The following GRIA1 variants were observed in gnomAD, a reference collection of about 807,000 sequenced individuals.
The protein encoded by GRIA1 is glutamate ionotropic receptor AMPA type subunit 1.
A neutral mutation model predicts 99.2 loss-of-function variants in GRIA1; 31 were observed. The observed-to-expected ratio is 0.31, with a 90% CI of 0.23 to 0.42. GRIA1 has a LOEUF of 0.42. Among genes scored for constraint, GRIA1 ranks in the 10% least tolerant of loss-of-function variants. GRIA1 has a pLI of 1.00. For synonymous variants in GRIA1, 438 were observed against 432.4 expected (o/e 1.01, Z -0.16); for missense variants, 782 against 1,157.5 (o/e 0.68, Z 4.71).
intron 8 of GRIA1, among the ~76,000 whole-genome samples, chr5:153,697,577 A>T (rs540503277): frequency 6.6e-6 from 1 of 152,350 alleles, no homozygotes; most frequent in South Asian, 2.1e-4. Flanking sequence ...TTAAATCTAG[A>T]TGGAAAAATA....
intron 1 of GRIA1, chr5:153,492,308 T>A (rs1561581220): frequency 6.5e-7 from 1 of 1,533,944 alleles, no homozygotes; most frequent in Admixed American, 2.0e-5. Flanking sequence ...CATCCTGAAG[T>A]GTGTACGTAT....
At chr5:153,566,932 G>C (rs905377417) in intron 2 of GRIA1, among the ~76,000 whole-genome samples, 1 of 151,846 alleles carries the variant, frequency 6.6e-6, no homozygotes, top group African/African-American at 2.4e-5. Flanking sequence ...GGCCAGGCTG[G>C]TCTCAAACTC....
At chr5:153,692,710 C>G (rs1169814964) in intron 8 of GRIA1, among the ~76,000 whole-genome samples, 1 of 152,172 alleles carries the variant, frequency 6.6e-6, no homozygotes, top group Non-Finnish European at 1.5e-5. Flanking sequence ...AAAACGCCAA[C>G]TCTTTAAAAG....
chr5:153,561,162 C>T (rs1761091269), intron 2 of GRIA1, among the ~76,000 whole-genome samples: 1 of 152,052 alleles, frequency 6.6e-6, no homozygotes, highest in South Asian at 2.1e-4. Flanking sequence ...AGATCCTGGC[C>T]CTGGAGCAGC....
intron 2 of GRIA1, among the ~76,000 whole-genome samples, chr5:153,515,182 C>A (rs575618881): frequency 1.4e-4 from 22 of 152,208 alleles, no homozygotes; most frequent in Middle Eastern, 3.4e-3. Flanking sequence ...CTCTCATGTT[C>A]ATTGCAGCAT....
chr5:153,491,051 C>T, intron 1 of GRIA1, 81 bp downstream of exon 1: 1 of 1,293,622 alleles, frequency 7.7e-7, no homozygotes. Flanking sequence ...TGTACCCCCT[C>T]CCCGGTACTG....
chr5:153,800,890 T>TC lies in GRIA1; in HGVS notation c.2386-1462dup, dbSNP rs1034633159. Among the ~76,000 whole-genome samples, 28 of 152,022 alleles carry TC rather than the reference T, an allele frequency of 1.8e-4. 1 individual carries two copies. Among genetic ancestry groups the TC allele is most frequent in the Admixed American group, 1.8e-3 (28 of 15,254 alleles). On this transcript the variant is annotated intron_variant, in intron 14 of 15. Coordinates refer to ENST00000285900, the MANE Select transcript of GRIA1 (RefSeq NM_000827.4). Reference sequence around the variant, plus strand: ...CCACCCCTTGCATGGCTCACCTACTTCCCCACCTGAAAAGGAACACATGGA... The same window carrying TC: ...CCACCCCTTGCATGGCTCACCTACTTCCCCCACCTGAAAAGGAACACATGGA...
In GRIA1 at chr5:153,579,913, G is replaced by A. The variant is rs549681456; in HGVS notation, c.221-67015G>A. Among the ~76,000 whole-genome samples, 15 of 151,760 alleles carry A rather than the reference G, an allele frequency of 9.9e-5. No homozygotes were observed. The South Asian group carries it at 2.9e-3, about 30-fold the overall frequency. On this transcript the variant is annotated intron_variant, in intron 2 of 15. Transcript: ENST00000285900. Reference sequence around the variant, plus strand: ...CAAACAAACAAAAAAAAAAAAACAGGATCCTGAGCCTCACATTAAACAATT... The same window carrying A: ...CAAACAAACAAAAAAAAAAAAACAGAATCCTGAGCCTCACATTAAACAATT...
chr5:153,764,715 G>GTTATCTC, intron 12 of GRIA1, 83 bp downstream of exon 12: 2 of 984,882 alleles, frequency 2.0e-6, no homozygotes, highest in Non-Finnish European at 3.2e-6. Context: ...TATATAGCCT[G>GTTATCTC]AGATAACAGG....
intron 2 of GRIA1, among the ~76,000 whole-genome samples, chr5:153,581,949 G>T (rs545015826): frequency 6.6e-6 from 1 of 152,140 alleles, no homozygotes; most frequent in African/African-American, 2.4e-5. Flanking sequence ...GTAGAGATGG[G>T]GTTTCACCAT....
chr5:153,797,298 G>A (rs116757601), intron 14 of GRIA1, among the ~76,000 whole-genome samples: 75 of 152,222 alleles, frequency 4.9e-4, no homozygotes, highest in Middle Eastern at 3.4e-3. Flanking sequence ...TAACATGTCC[G>A]ACATACAACA....
intron 2 of GRIA1, among the ~76,000 whole-genome samples, chr5:153,604,164 A>G (rs1765251579): frequency 1.3e-5 from 2 of 152,082 alleles, no homozygotes; most frequent in Admixed American, 1.3e-4. Flanking sequence ...GGTGGGGGGA[A>G]GAGGAAGAGA....
intron 11 of GRIA1, among the ~76,000 whole-genome samples, chr5:153,719,393 C>T (rs1759891613): frequency 6.6e-6 from 1 of 152,006 alleles, no homozygotes; most frequent in Non-Finnish European, 1.5e-5. Context: ...TGACTTGTCT[C>T]TGCTTGTATC....
chr5:153,518,848 G>C (rs562256699), intron 2 of GRIA1, among the ~76,000 whole-genome samples: 2 of 152,294 alleles, frequency 1.3e-5, no homozygotes, highest in Admixed American at 1.3e-4. Context: ...AAGTGGCTGA[G>C]TGAATTCAGC....
At chr5:153,560,067 G>T (rs1338196696) in intron 2 of GRIA1, among the ~76,000 whole-genome samples, 1 of 152,090 alleles carries the variant, frequency 6.6e-6, no homozygotes, top group Non-Finnish European at 1.5e-5. Context: ...GCCCAAGTTT[G>T]CATAGTTTGT....
chr5:153,612,217 T>G (rs555594656), intron 2 of GRIA1, among the ~76,000 whole-genome samples: 1 of 152,332 alleles, frequency 6.6e-6, no homozygotes, highest in African/African-American at 2.4e-5. Context: ...TTTGAATAGA[T>G]AGGAGTGCTG....
intron 2 of GRIA1, among the ~76,000 whole-genome samples, 171 bp from the exon 3 acceptor site, chr5:153,646,757 G>GTGTC (rs1054461225): frequency 6.6e-6 from 1 of 152,190 alleles, no homozygotes; most frequent in Non-Finnish European, 1.5e-5. Context: ...ATAGACTGGT[G>GTGTC]TGTCGAAAGG....
chr5:153,811,081 C>T lies in GRIA1; in HGVS notation c.2577C>T (p.Leu859=). Residue 859 remains leucine (L), a synonymous_variant, in exon 16 of 16, where the codon CTC becomes CTT. Transcript: ENST00000285900. ...ACGAAGCCATACGGACATCGACCCTCCCCCGCAACAGCGGGGCAGGAGCCA... is the reference window on the plus strand; with the variant it reads ...ACGAAGCCATACGGACATCGACCCTTCCCCGCAACAGCGGGGCAGGAGCCA... The part of the protein sequence containing the change: ...SINEAIRTST[L]PRNSGAGASS... 6.2e-7 allele frequency: 1 copy of T among 1,613,842 alleles called. No individual in the cohort carries two copies. The highest frequency in any genetic ancestry group is 2.2e-5 in the East Asian group (1 of 44,856).
chr5:153,770,348 A>T lies in GRIA1; in HGVS notation c.2203A>T (p.Met735Leu). 1 of 1,613,956 alleles carries T rather than the reference A, an allele frequency of 6.2e-7. No individual in the cohort carries two copies. The highest frequency in any genetic ancestry group is 8.5e-7 in the Non-Finnish European group (1 of 1,179,862). Residue 735 changes from methionine (M) to leucine (L), a missense_variant, in exon 13 of 16, where the codon ATG becomes TTG. Physicochemically the swap from Met to Leu is conservative, Grantham distance 15 (BLOSUM62 2). Transcript: ENST00000285900. ...YIEQRKPCDT[M>L]KVGGNLDSKG... ...TGAGCAGCGGAAACCCTGTGACACCATGAAGGTGGGAGGTAACTTGGATTC... is the reference window on the plus strand; with the variant it reads ...TGAGCAGCGGAAACCCTGTGACACCTTGAAGGTGGGAGGTAACTTGGATTC...
Sources: gnomAD v4.1 joint callset for allele counts (sites outside exome capture counted in the v4.1 genomes callset) on GRCh38, gnomAD v4.1.1 for gene constraint, MANE v1.5 for transcripts, NCBI Gene and HGNC (gene_info 2026-07-23, HGNC 2026-07-21) for gene names.